Variants in TMEM87A observed in about 807,000 individuals in gnomAD.
The protein encoded by TMEM87A is transmembrane protein 87A.
A neutral mutation model predicts 90.0 loss-of-function variants in TMEM87A; 50 were observed. The ratio of observed to expected loss-of-function variants is 0.56; its 90% CI spans 0.44 to 0.70. TMEM87A has a LOEUF of 0.70. Among genes scored for constraint, TMEM87A ranks in the 30% least tolerant of loss-of-function variants. The pLI, the probability that TMEM87A is intolerant of heterozygous loss-of-function variation, is 0.00. For synonymous variants in TMEM87A, 226 were observed against 226.7 expected (o/e 1.00, Z 0.03); for missense variants, 577 against 660.5 (o/e 0.87, Z 1.39).
At chr15:42,269,829 G>A (rs2051479630) in intron 2 of TMEM87A, among the ~76,000 whole-genome samples, 2 of 145,606 alleles carry the variant, frequency 1.4e-5, no homozygotes, top group East Asian at 2.1e-4. Flanking sequence ...CCAGCTACTC[G>A]GGAGGCTGAG....
At chr15:42,213,661 T>C (rs2050332525) in intron 19 of TMEM87A, among the ~76,000 whole-genome samples, 1 of 152,130 alleles carries the variant, frequency 6.6e-6, no homozygotes, top group Non-Finnish European at 1.5e-5. Context: ...AGCAAATCCC[T>C]CTGATTGGGA....
At chr15:42,225,305 G>GC (rs1465280665) in intron 15 of TMEM87A, among the ~76,000 whole-genome samples, 4 of 91,884 alleles carry the variant, frequency 4.4e-5, no homozygotes, top group African/African-American at 1.2e-4. Context: ...GCAAATGGGG[G>GC]GGGGGGGAAG....
chr15:42,254,640 A>C (rs1251509025), intron 6 of TMEM87A, among the ~76,000 whole-genome samples: 3 of 152,230 alleles, frequency 2.0e-5, no homozygotes, highest in Non-Finnish European at 4.4e-5. Flanking sequence ...ACTAGATGAC[A>C]TTCTGGAAAA....
intron 6 of TMEM87A, among the ~76,000 whole-genome samples, chr15:42,257,076 T>A (rs1374098832): frequency 1.3e-5 from 2 of 152,160 alleles, no homozygotes; most frequent in Admixed American, 1.3e-4. Context: ...CTAGACAAAC[T>A]GCATAAAATC....
chr15:42,253,763 G>C (rs2051127916), intron 6 of TMEM87A, among the ~76,000 whole-genome samples: 1 of 152,164 alleles, frequency 6.6e-6, no homozygotes, highest in Admixed American at 6.5e-5. Context: ...GTTTTGGTTA[G>C]ATTTCAAAGT....
At position 42,237,523 on chromosome 15, in the gene TMEM87A, C is replaced by G. The variant is rs369339663; in HGVS notation, c.777G>C (p.Gln259His). The G allele has an allele frequency of 1.2e-5, 19 of 1,613,990 alleles. No individual in the cohort carries two copies. The Admixed American group carries it at 1.5e-4, about 13-fold the overall frequency. ...ACYWRDLLRI[Q>H]FWIGAVIFLG... Reference sequence around the variant, plus strand: ...GGAAGATGACAGCACCAATCCAAAACTGAATTCTCAGGAGATCTCTCCAGT... The same window carrying G: ...GGAAGATGACAGCACCAATCCAAAAGTGAATTCTCAGGAGATCTCTCCAGT... The change falls in exon 9 of 20, where the codon CAG (glutamine) becomes CAC (histidine). Residue 259 changes from glutamine (Q) to histidine (H), a missense_variant. Physicochemically the swap from Gln to His is conservative, Grantham distance 24. Coordinates refer to ENST00000389834, the MANE Select transcript of TMEM87A (RefSeq NM_015497.5).
rs2050264917 is a variant in TMEM87A, at chr15:42,210,523, AT to A, written c.*1184del. The A allele has an allele frequency of 6.6e-6, 1 of 152,260 alleles. No homozygotes were observed. Among genetic ancestry groups the A allele is most frequent in the South Asian group, 2.1e-4 (1 of 4,828 alleles). The allele number at this position is 152,260 out of a possible 1,614,324, so 9.4% of individuals were successfully genotyped here. A position where few individuals can be genotyped will look rare whatever the true frequency, so the allele number is the denominator to read the frequency against. ...AAAAAGTTTGAAAAAAATGAGAAAAATACATTAATTTTGTTAAATTTTTTTA... is the reference window on the plus strand; with the variant it reads ...AAAAAGTTTGAAAAAAATGAGAAAAAACATTAATTTTGTTAAATTTTTTTA... On this transcript the variant is annotated 3_prime_UTR_variant, in exon 20 of 20. Coordinates refer to ENST00000389834, the MANE Select transcript of TMEM87A (RefSeq NM_015497.5).
At chr15:42,260,353 A>T (rs2051264630) in intron 6 of TMEM87A, among the ~76,000 whole-genome samples, 1 of 152,214 alleles carries the variant, frequency 6.6e-6, no homozygotes, top group African/African-American at 2.4e-5. Flanking sequence ...CAGCATGGGC[A>T]AGAGTGAGAC....
intron 6 of TMEM87A, among the ~76,000 whole-genome samples, chr15:42,255,643 T>G (rs1273446027): frequency 6.6e-6 from 1 of 152,222 alleles, no homozygotes; most frequent in Non-Finnish European, 1.5e-5. Flanking sequence ...TAAATTATGT[T>G]AAATGTATCA....
chr15:42,220,707 C>A (rs2050463088), intron 15 of TMEM87A, among the ~76,000 whole-genome samples: 1 of 152,216 alleles, frequency 6.6e-6, no homozygotes, highest in Admixed American at 6.5e-5. Flanking sequence ...CTTTCCTTAA[C>A]AACTTCCAAG....
chr15:42,249,477 T>C (rs563262213), intron 6 of TMEM87A, among the ~76,000 whole-genome samples: 131 of 152,368 alleles, frequency 8.6e-4, no homozygotes, highest in African/African-American at 2.9e-3. Flanking sequence ...TTCTGGTATG[T>C]TGTGTCTTTG....
intron 17 of TMEM87A, among the ~76,000 whole-genome samples, chr15:42,219,310 C>A (rs752447923): frequency 6.6e-6 from 1 of 152,178 alleles, no homozygotes; most frequent in Non-Finnish European, 1.5e-5. Context: ...AACCCCTTAA[C>A]AGATGCAATG....
In TMEM87A at chr15:42,225,979, C is replaced by T. The variant is rs564305346; in HGVS notation, c.1403+827G>A. Among the ~76,000 whole-genome samples, 3 of 152,192 alleles carry T rather than the reference C, an allele frequency of 2.0e-5. No homozygotes were observed. The South Asian group carries it at 6.2e-4, about 32-fold the overall frequency. On this transcript the variant is annotated intron_variant, in intron 15 of 19. Coordinates refer to ENST00000389834, the MANE Select transcript of TMEM87A (RefSeq NM_015497.5). ...AAGGAAGTCTATTGGTGCCATTTTCCAACAGTAATGTGCTCACTTTGTGTG... is the reference window on the plus strand; with the variant it reads ...AAGGAAGTCTATTGGTGCCATTTTCTAACAGTAATGTGCTCACTTTGTGTG...
At chr15:42,228,882 C>G (rs1470766767) in intron 12 of TMEM87A, 62 bp from the exon 13 acceptor site, 1 of 1,295,424 alleles carries the variant, frequency 7.7e-7, no homozygotes, top group African/African-American at 1.5e-5. Flanking sequence ...AATTAGTTTT[C>G]AGGTTTCTTT....
chr15:42,245,180 A>G (rs2050948836), intron 6 of TMEM87A, among the ~76,000 whole-genome samples: 1 of 152,134 alleles, frequency 6.6e-6, no homozygotes, highest in Non-Finnish European at 1.5e-5. Flanking sequence ...TCATACATTG[A>G]TTTATCTCCA....
rs1296064379 is a variant in TMEM87A, at chr15:42,244,038, A to G, written c.622+12T>C. Reference sequence around the variant, plus strand: ...ATAATAACATAACCATTAAAAAAAAAACTGAACTTACTGGTAAAAAGATTA... The same window carrying G: ...ATAATAACATAACCATTAAAAAAAAGACTGAACTTACTGGTAAAAAGATTA... On this transcript the variant is annotated intron_variant, in intron 7 of 19. Transcript: ENST00000389834. The G allele has an allele frequency of 6.6e-7, 1 of 1,516,580 alleles. No homozygotes were observed. Among genetic ancestry groups the G allele is most frequent in the African/African-American group, 1.4e-5 (1 of 70,578 alleles). 93.9% of individuals were successfully genotyped at this position (1,516,580 alleles called of 1,614,324 possible). A position where few individuals can be genotyped will look rare whatever the true frequency, so the allele number is the denominator to read the frequency against.
At chr15:42,257,048 G>A (rs1181417525) in intron 6 of TMEM87A, among the ~76,000 whole-genome samples, 1 of 152,116 alleles carries the variant, frequency 6.6e-6, no homozygotes, top group Non-Finnish European at 1.5e-5. Flanking sequence ...CAATTTACAA[G>A]AACAAATTGT....
At chr15:42,211,878 G>A in intron 19 of TMEM87A, 129 bp from the exon 20 acceptor site, 1 of 863,362 alleles carries the variant, frequency 1.2e-6, no homozygotes, top group Non-Finnish European at 1.8e-6. Flanking sequence ...TTAGAGAAAT[G>A]GTTCCTAAAC....
intron 14 of TMEM87A, 29 bp from the exon 15 acceptor site, chr15:42,226,938 T>C (rs1678988): frequency 0.98 from 1,563,703 of 1,596,298 alleles, 767,900 homozygotes; most frequent in Non-Finnish European, 1. Flanking sequence ...GTACAACATT[T>C]ATACACATTA....
Sources: gnomAD v4.1 joint callset for allele counts (sites outside exome capture counted in the v4.1 genomes callset) on GRCh38, gnomAD v4.1.1 for gene constraint, MANE v1.5 for transcripts, NCBI Gene and HGNC (gene_info 2026-07-23, HGNC 2026-07-21) for gene names.